NOS1: variants seen among roughly 807,000 people sequenced by gnomAD.
NOS1 encodes the protein nitric oxide synthase 1, also known as NOS type I.
In NOS1, 51 loss-of-function variants were observed where a neutral mutation model predicts 164.5. That is an observed-to-expected ratio of 0.31 (90% confidence interval 0.25 to 0.39). NOS1 has a LOEUF of 0.39. NOS1 is among the 10% of genes least tolerant of loss of function. The pLI is 1.00. For synonymous variants in NOS1, 719 were observed against 745.8 expected, an observed-to-expected ratio of 0.96 and a Z score of 0.59; for missense variants, 1,362 against 1,885.6, an observed-to-expected ratio of 0.72 and a Z score of 5.14.
At position 117,357,343 on chromosome 12, in the gene NOS1, G is replaced by A. The variant is rs534248800; in HGVS notation, c.-421+4169C>T. Among the ~76,000 whole-genome samples the A allele has an allele frequency of 7.1e-4, 108 of 152,332 alleles. 1 individual carries two copies. The highest frequency in any genetic ancestry group is 2.3e-3 in the South Asian group (11 of 4,824). ...GAACTCAGGGCTGACACCCAGCAAG[G>A]TCAAGGTGGGAGGAATTATTTTCAG... On this transcript the variant is annotated intron_variant, in intron 1 of 28. Coordinates refer to ENST00000317775, the MANE Select transcript of NOS1 (RefSeq NM_000620.5).
At chr12:117,296,599 T>C (rs1873433028) in intron 3 of NOS1, among the ~76,000 whole-genome samples, 1 of 152,128 alleles carries the variant, frequency 6.6e-6, no homozygotes, top group Admixed American at 6.5e-5. Flanking sequence ...AGCTTGTAGA[T>C]GGCCTATTGT....
intron 3 of NOS1, chr12:117,309,331 T>C: frequency 2.0e-6 from 2 of 985,380 alleles, no homozygotes; most frequent in Non-Finnish European, 2.4e-6. Flanking sequence ...GAATCCCTGA[T>C]GTCCTTATCT....
At chr12:117,315,214 TA>T (rs923021413) in intron 2 of NOS1, among the ~76,000 whole-genome samples, 6 of 152,104 alleles carry the variant, frequency 3.9e-5, no homozygotes, top group Non-Finnish European at 7.3e-5. Flanking sequence ...TTTTATTATT[TA>T]TTTTTTTTTA....
At chr12:117,283,067 T>A (rs1256913871) in intron 7 of NOS1, among the ~76,000 whole-genome samples, 270 of 146,832 alleles carry the variant, frequency 1.8e-3, no homozygotes, top group African/African-American at 6.0e-3. Flanking sequence ...TTTTTTTTTT[T>A]TTTTTTGAGA....
At chr12:117,312,215 C>T (rs1874466155) in intron 2 of NOS1, among the ~76,000 whole-genome samples, 1 of 152,132 alleles carries the variant, frequency 6.6e-6, no homozygotes, top group Non-Finnish European at 1.5e-5. Flanking sequence ...AAGGACTTTA[C>T]ATGTGGGTTT....
rs987069881 is a variant in NOS1 at position 117,214,101 on chromosome 12, G to A, written c.*1208C>T. 6 of 985,252 alleles carry A rather than the reference G, an allele frequency of 6.1e-6. No homozygotes were observed. The African/African-American group carries it at 7.0e-5, about 11-fold the overall frequency. 61.0% of individuals were successfully genotyped at this position (985,252 alleles called of 1,614,324 possible). A position where few individuals can be genotyped will look rare whatever the true frequency, so the allele number is the denominator to read the frequency against. Reference sequence around the variant, plus strand: ...GGCTCCTATCGAAGAAGCCACGTGGGACCTCATTATGGCAACTCTTTCCAA... The same window carrying A: ...GGCTCCTATCGAAGAAGCCACGTGGAACCTCATTATGGCAACTCTTTCCAA... On this transcript the variant is annotated 3_prime_UTR_variant, in exon 29 of 29. Coordinates refer to ENST00000317775, the MANE Select transcript of NOS1 (RefSeq NM_000620.5).
In NOS1 at chr12:117,211,381, G is replaced by A; in HGVS notation, c.*3928C>T. ...CGCCTCTTCCCTCACTCAAGCCTTGGTTGCAGCAATAACCCCCCCAACAGC... is the reference window on the plus strand; with the variant it reads ...CGCCTCTTCCCTCACTCAAGCCTTGATTGCAGCAATAACCCCCCCAACAGC... On this transcript the variant is annotated 3_prime_UTR_variant, in exon 29 of 29. Transcript: ENST00000317775. 2.0e-6 allele frequency: 2 copies of A among 985,342 alleles called. No homozygotes were observed. The highest frequency in any genetic ancestry group is 2.4e-6 in the Non-Finnish European group (2 of 830,026). 61.0% of individuals were successfully genotyped at this position (985,342 alleles called of 1,614,324 possible).
chr12:117,316,271 T>C (rs1052054846), intron 2 of NOS1, among the ~76,000 whole-genome samples: 1 of 152,048 alleles, frequency 6.6e-6, no homozygotes, highest in Non-Finnish European at 1.5e-5. Context: ...AAGTCTACAC[T>C]CAGATACTTT....
chr12:117,273,261 G>A (rs1872925249), intron 9 of NOS1, among the ~76,000 whole-genome samples: 1 of 152,154 alleles, frequency 6.6e-6, no homozygotes, highest in Admixed American at 6.6e-5. Context: ...GATTGAGTCA[G>A]CTCCAAAAGC....
chr12:117,340,159 G>A (rs1475433402), intron 1 of NOS1, among the ~76,000 whole-genome samples: 1 of 151,932 alleles, frequency 6.6e-6, no homozygotes, highest in East Asian at 1.9e-4. Flanking sequence ...ACACACCACC[G>A]TGACTGGCTA....
At chr12:117,332,596 G>A (rs930589434) in intron 1 of NOS1, among the ~76,000 whole-genome samples, 1 of 151,984 alleles carries the variant, frequency 6.6e-6, no homozygotes, top group Non-Finnish European at 1.5e-5. Flanking sequence ...CGGTCACAGT[G>A]CCTCACACCT....
intron 1 of NOS1, among the ~76,000 whole-genome samples, chr12:117,355,761 T>C (rs954109354): frequency 2.6e-5 from 4 of 151,818 alleles, no homozygotes; most frequent in Non-Finnish European, 2.9e-5. Flanking sequence ...AATTAATGAA[T>C]TAATTTATGT....
At chr12:117,359,915 T>C in intron 1 of NOS1, among the ~76,000 whole-genome samples, 1 of 72,018 alleles carries the variant, frequency 1.4e-5, no homozygotes, top group South Asian at 4.5e-4. Flanking sequence ...TATATATATA[T>C]ATATATATAT....
chr12:117,213,895 A>T lies in NOS1; in HGVS notation c.*1414T>A, dbSNP rs1335780753. On this transcript the variant is annotated 3_prime_UTR_variant, in exon 29 of 29. Coordinates refer to ENST00000317775, the MANE Select transcript of NOS1 (RefSeq NM_000620.5). ...TTTACTCTGAGAGAGTAAATTCAAC[A>T]GGTTGCCTCTTAGGGAGGAATTACA... 7 of 985,304 alleles carry T rather than the reference A, an allele frequency of 7.1e-6. No individual in the cohort carries two copies. Among genetic ancestry groups the T allele is most frequent in the Admixed American group, 6.2e-5 (1 of 16,258 alleles). The allele number at this position is 985,304 out of a possible 1,614,324, so 61.0% of individuals were successfully genotyped here.
Position 117,211,394 on chromosome 12 carries a change from C to T in NOS1, c.*3915G>A, listed in dbSNP as rs1162358741. ...ACTCAAGCCTTGGTTGCAGCAATAA[C>T]CCCCCCAACAGCTCAACGGGCCATG... is the stretch of plus-strand genomic sequence containing the variant. On this transcript the variant is annotated 3_prime_UTR_variant, in exon 29 of 29. Transcript: ENST00000317775. 1.2e-5 allele frequency: 12 copies of T among 984,828 alleles called. No homozygotes were observed. Among genetic ancestry groups the T allele is most frequent in the Admixed American group, 6.2e-5 (1 of 16,166 alleles). The allele number at this position is 984,828 out of a possible 1,614,324, so 61.0% of individuals were successfully genotyped here. A position where few individuals can be genotyped will look rare whatever the true frequency, so the allele number is the denominator to read the frequency against.
intron 4 of NOS1, 62 bp from the exon 5 acceptor site, chr12:117,288,281 T>C: frequency 6.5e-7 from 1 of 1,530,294 alleles, no homozygotes; most frequent in Non-Finnish European, 8.9e-7. Flanking sequence ...GGTGTTAGGC[T>C]GTGGGCTTGG....
At chr12:117,256,284 G>GTTGTTTTTTTTTTTT (rs549611283) in intron 16 of NOS1, among the ~76,000 whole-genome samples, 1 of 118,488 alleles carries the variant, frequency 8.4e-6, no homozygotes, top group African/African-American at 3.8e-5. Context: ...GGGATTTTCT[G>GTTGTTTTTTTTTTTT]TTTTTTTTTT....
intron 2 of NOS1, among the ~76,000 whole-genome samples, chr12:117,327,042 T>A (rs1350370011): frequency 3.3e-5 from 5 of 152,172 alleles, no homozygotes; most frequent in Non-Finnish European, 5.9e-5. Context: ...CCTGGAGTTC[T>A]GGGGGTGTGG....
chr12:117,226,561 T>A, intron 24 of NOS1, 122 bp downstream of exon 24: 1 of 766,092 alleles, frequency 1.3e-6, no homozygotes, highest in Non-Finnish European at 2.2e-6. Flanking sequence ...AGGACATTGG[T>A]CTCCATCGTG....
Sources: allele counts gnomAD v4.1 joint callset (sites outside exome capture counted in the v4.1 genomes callset), GRCh38; gene constraint gnomAD v4.1.1; transcripts MANE v1.5; gene names NCBI Gene and HGNC (gene_info 2026-07-23, HGNC 2026-07-21).